Variants in STRBP observed in about 807,000 individuals in gnomAD.
STRBP encodes the protein spermatid perinuclear RNA binding protein.
STRBP carries 13 observed loss-of-function variants against 80.1 expected under a neutral mutation model. The ratio of observed to expected loss-of-function variants is 0.16; its 90% CI spans 0.11 to 0.26. The LOEUF is 0.26. Among genes scored for constraint, STRBP ranks in the 10% least tolerant of loss-of-function variants. STRBP has a pLI of 1.00. For synonymous variants in STRBP, 284 were observed against 291.2 expected, an observed-to-expected ratio of 0.98 and a Z score of 0.25; for missense variants, 485 against 815.2, an observed-to-expected ratio of 0.59 and a Z score of 4.93.
intron 2 of STRBP, among the ~76,000 whole-genome samples, chr9:123,195,148 AC>A (rs2039049490): frequency 6.6e-6 from 1 of 152,052 alleles, no homozygotes; most frequent in South Asian, 2.1e-4. Flanking sequence ...AAAACAAAAA[AC>A]CACACAAGTT....
At chr9:123,264,824 A>G (rs1297953074) in intron 1 of STRBP, among the ~76,000 whole-genome samples, 1 of 152,192 alleles carries the variant, frequency 6.6e-6, no homozygotes, top group Non-Finnish European at 1.5e-5. Context: ...CGAACACTAT[A>G]CCAGAATTGA....
intron 2 of STRBP, among the ~76,000 whole-genome samples, chr9:123,216,887 T>G (rs574384946): frequency 6.6e-6 from 1 of 152,312 alleles, no homozygotes; most frequent in African/African-American, 2.4e-5. Flanking sequence ...GTTTACAAAC[T>G]GAAACTCAGT....
chr9:123,243,235 T>C (rs1364123372), intron 1 of STRBP, among the ~76,000 whole-genome samples: 1 of 114,694 alleles, frequency 8.7e-6, no homozygotes, highest in East Asian at 2.3e-4. Context: ...TTTCAACAAA[T>C]GCAGCTAGAG....
intron 1 of STRBP, among the ~76,000 whole-genome samples, chr9:123,262,794 G>C (rs2041186028): frequency 6.6e-6 from 1 of 152,162 alleles, no homozygotes; most frequent in African/African-American, 2.4e-5. Context: ...GGACCCTTAG[G>C]ACAAGAAATA....
intron 1 of STRBP, among the ~76,000 whole-genome samples, chr9:123,255,019 T>C (rs1367203275): frequency 6.6e-6 from 1 of 152,238 alleles, no homozygotes; most frequent in Non-Finnish European, 1.5e-5. Flanking sequence ...CATACATCAT[T>C]AGCCTATAAA....
At chr9:123,150,067 T>C (rs1442021201) in intron 11 of STRBP, among the ~76,000 whole-genome samples, 1 of 152,064 alleles carries the variant, frequency 6.6e-6, no homozygotes, top group East Asian at 1.9e-4. Flanking sequence ...CCTGAGAAAG[T>C]AAAACAGTGA....
At position 123,114,673 on chromosome 9, in the gene STRBP, C is replaced by CCT. The variant is rs1564204013; in HGVS notation, c.*84+1254_*84+1255dup. The CCT allele has an allele frequency of 1.8e-5, 3 of 170,676 alleles. No individual in the cohort carries two copies. The East Asian group carries it at 5.7e-4, about 32-fold the overall frequency. 10.6% of individuals were successfully genotyped at this position (170,676 alleles called of 1,614,324 possible). ...TGGAGATGGCCCTCGCTCCATTCTA[C>CCT]CTCCTCTGTACCCTGTCAGTATCTT... On this transcript the variant is annotated intron_variant and NMD_transcript_variant, in intron 3 of 3. Transcript: ENST00000471564.
intron 1 of STRBP, among the ~76,000 whole-genome samples, chr9:123,258,161 C>T (rs1419385150): frequency 2.6e-5 from 4 of 152,092 alleles, no homozygotes. Context: ...TACTAAATGC[C>T]AGGCACTGTT....
At position 123,268,526 on chromosome 9, in the gene STRBP, C is replaced by A; in HGVS notation, c.-392G>T. On this transcript the variant is annotated 5_prime_UTR_variant, in exon 1 of 19. Transcript: ENST00000348403. ...CGCTCGCGTCTCCGGCTCCTCTGCC[C>A]AGCGGCGGCGGCTGCGGCGGCTGCT... 5.9e-6 allele frequency: 1 copy of A among 168,202 alleles called. No individual in the cohort carries two copies. The highest frequency in any genetic ancestry group is 1.7e-4 in the South Asian group (1 of 5,804). 10.4% of individuals were successfully genotyped at this position (168,202 alleles called of 1,614,324 possible).
chr9:123,147,448 G>GGTGAATT (rs2036861520), intron 12 of STRBP, among the ~76,000 whole-genome samples: 1 of 151,924 alleles, frequency 6.6e-6, no homozygotes, highest in Non-Finnish European at 1.5e-5. Flanking sequence ...GGCCAAGGGG[G>GGTGAATT]GTGAATTGCT....
intron 2 of STRBP, among the ~76,000 whole-genome samples, chr9:123,235,886 T>C (rs1000011260): frequency 6.6e-6 from 1 of 152,212 alleles, no homozygotes; most frequent in Non-Finnish European, 1.5e-5. Flanking sequence ...ATGAGTTTGC[T>C]ACCTGTTCTA....
intron 1 of STRBP, among the ~76,000 whole-genome samples, chr9:123,259,871 C>A (rs904441350): frequency 6.6e-6 from 1 of 152,150 alleles, no homozygotes; most frequent in African/African-American, 2.4e-5. Context: ...GAAAGTGTTT[C>A]ACAAAAGGAA....
intron 13 of STRBP, among the ~76,000 whole-genome samples, chr9:123,140,279 T>C (rs1336375975): frequency 6.6e-6 from 1 of 152,190 alleles, no homozygotes; most frequent in Admixed American, 6.5e-5. Context: ...GCTTCCAACA[T>C]AGACCACAAT....
chr9:123,138,318 G>A (rs2036447037), intron 14 of STRBP, among the ~76,000 whole-genome samples: 1 of 152,116 alleles, frequency 6.6e-6, no homozygotes, highest in Non-Finnish European at 1.5e-5. Context: ...ACCTGTGACT[G>A]CCACCTGTGA....
chr9:123,203,723 G>C (rs2039413051), intron 2 of STRBP, among the ~76,000 whole-genome samples: 2 of 151,824 alleles, frequency 1.3e-5, no homozygotes, highest in African/African-American at 4.8e-5. Flanking sequence ...TGTAATCCCA[G>C]CACTTTGGGA....
chr9:123,128,845 A>T (rs2036007928), intron 17 of STRBP, among the ~76,000 whole-genome samples: 1 of 152,136 alleles, frequency 6.6e-6, no homozygotes, highest in African/African-American at 2.4e-5. Flanking sequence ...CTGATATTTC[A>T]ATTTCTGGCC....
chr9:123,204,790 G>A (rs2039453989), intron 2 of STRBP, among the ~76,000 whole-genome samples: 2 of 151,790 alleles, frequency 1.3e-5, no homozygotes, highest in African/African-American at 2.4e-5. Flanking sequence ...CAGGCATGGT[G>A]GCGGATGCCT....
At chr9:123,157,771 C>A (rs1018864172) in intron 11 of STRBP, among the ~76,000 whole-genome samples, 7 of 152,062 alleles carry the variant, frequency 4.6e-5, no homozygotes, top group Middle Eastern at 3.4e-3. Context: ...GAGGTAACTG[C>A]CTCCATGATT....
At chr9:123,263,906 G>A (rs543989124) in intron 1 of STRBP, among the ~76,000 whole-genome samples, 8 of 152,318 alleles carry the variant, frequency 5.3e-5, no homozygotes, top group South Asian at 2.1e-4. Flanking sequence ...TTGGCTGGGC[G>A]CGATGGCTCA....
Sources: allele counts gnomAD v4.1 joint callset (sites outside exome capture counted in the v4.1 genomes callset), GRCh38; gene constraint gnomAD v4.1.1; transcripts MANE v1.5; gene names NCBI Gene and HGNC (gene_info 2026-07-23, HGNC 2026-07-21).